FGF13: variants seen among roughly 807,000 people sequenced by gnomAD.
The protein encoded by FGF13 is fibroblast growth factor 13.
FGF13 carries 2 observed loss-of-function variants against 19.5 expected under a neutral mutation model. The ratio of observed to expected loss-of-function variants is 0.10; its 90% CI spans 0.04 to 0.32. The LOEUF is 0.32. Among genes scored for constraint, FGF13 ranks in the 10% least tolerant of loss-of-function variants. The pLI is 1.00. For missense variants in FGF13, 113 were observed against 192.7 expected (o/e 0.59, Z 2.45); for synonymous variants, 72 against 76.9 (o/e 0.94, Z 0.33).
chrX:138,778,877 C>T (rs766792048), intron 3 of FGF13, among the ~76,000 whole-genome samples: 1 of 112,582 alleles, frequency 8.9e-6, no homozygotes, highest in South Asian at 3.6e-4. Context: ...CACAGACAAA[C>T]AAAAAGACAG....
chrX:138,880,816 T>G (rs1238349931), intron 1 of FGF13, among the ~76,000 whole-genome samples: 1 of 112,282 alleles, frequency 8.9e-6, no homozygotes, highest in Non-Finnish European at 1.9e-5. Flanking sequence ...ATCATACTGT[T>G]TTGATTACTG....
rs1042713392 is a variant in FGF13, at chrX:138,617,099, T to C, written c.*15751A>G. ...CCATTGTTTTGGTGATTAATATTTGTAGTGATAGGAATATTCTATATCTTG... is the reference window on the plus strand; with the variant it reads ...CCATTGTTTTGGTGATTAATATTTGCAGTGATAGGAATATTCTATATCTTG... On this transcript the variant is annotated 3_prime_UTR_variant, in exon 5 of 5. Coordinates refer to ENST00000315930, the MANE Select transcript of FGF13 (RefSeq NM_004114.5). The C allele has an allele frequency of 1.8e-5, 2 of 111,907 alleles. No homozygotes were observed. Among genetic ancestry groups the C allele is most frequent in the Non-Finnish European group, 3.8e-5 (2 of 53,225 alleles). The allele number at this position is 111,907 out of a possible 1,213,427, so 9.2% of individuals were successfully genotyped here.
chrX:139,156,179 G>C (rs2083975445), intron 1 of FGF13, among the ~76,000 whole-genome samples: 1 of 112,364 alleles, frequency 8.9e-6, no homozygotes, highest in Non-Finnish European at 1.9e-5. Flanking sequence ...TCTCCTGTGA[G>C]AGAAAATAAA....
chrX:138,885,956 A>G (rs1294518567), intron 1 of FGF13, among the ~76,000 whole-genome samples: 1 of 111,430 alleles, frequency 9.0e-6, no homozygotes, highest in African/African-American at 3.3e-5. Context: ...CACCACTTCC[A>G]GTGCATTCGT....
chrX:138,655,074 A>G (rs752116066), intron 3 of FGF13, among the ~76,000 whole-genome samples: 38 of 111,515 alleles, frequency 3.4e-4, no homozygotes, highest in Non-Finnish European at 6.4e-4. Context: ...CTAAAAATGC[A>G]TTTCATTCTA....
intron 3 of FGF13, among the ~76,000 whole-genome samples, chrX:138,807,508 A>G (rs1291819099): frequency 8.9e-6 from 1 of 112,186 alleles, no homozygotes; most frequent in Non-Finnish European, 1.9e-5. Context: ...TGTAAAGACT[A>G]TCGATGCTAG....
intron 3 of FGF13, among the ~76,000 whole-genome samples, chrX:138,756,211 C>T (rs2090430501): frequency 8.9e-6 from 1 of 112,745 alleles, no homozygotes; most frequent in Non-Finnish European, 1.9e-5. Flanking sequence ...AGGAGTTTCT[C>T]ATCCTCCAGA....
intron 1 of FGF13, among the ~76,000 whole-genome samples, chrX:138,908,331 G>GC (rs1319405795): frequency 2.8e-5 from 3 of 107,474 alleles, no homozygotes; most frequent in East Asian, 5.9e-4. Context: ...GCCCACCTTG[G>GC]CTCCCAAAGT....
intron 1 of FGF13, among the ~76,000 whole-genome samples, chrX:139,171,677 T>C (rs774434269): frequency 8.9e-6 from 1 of 112,630 alleles, no homozygotes; most frequent in Non-Finnish European, 1.9e-5. Flanking sequence ...TTCTAAAATA[T>C]ATAAGCATTA....
intron 1 of FGF13, among the ~76,000 whole-genome samples, chrX:138,984,642 GAGA>G (rs1211189555): frequency 2.7e-5 from 2 of 74,084 alleles, no homozygotes; most frequent in African/African-American, 1.0e-4. Context: ...GGAGGAGGAG[GAGA>G]AGAAGAAGAA....
chrX:138,824,587 A>G (rs773319800), intron 3 of FGF13, among the ~76,000 whole-genome samples: 1 of 112,033 alleles, frequency 8.9e-6, no homozygotes, highest in Admixed American at 9.5e-5. Flanking sequence ...CTGAACATAT[A>G]TAATGACAGT....
Position 138,626,481 on chromosome X carries a change from A to C in FGF13, c.*6369T>G, listed in dbSNP as rs2089064675. On this transcript the variant is annotated 3_prime_UTR_variant, in exon 5 of 5. Coordinates refer to ENST00000315930, the MANE Select transcript of FGF13 (RefSeq NM_004114.5). ...CTTTGAAAATGTTTAAATTTCCCTA[A>C]TCAAAAATTTTTCCTCCATTGTATT... 1 of 112,091 alleles carries C rather than the reference A, an allele frequency of 8.9e-6. No individual in the cohort carries two copies. Among genetic ancestry groups the C allele is most frequent in the Non-Finnish European group, 1.9e-5 (1 of 53,218 alleles). 9.2% of individuals were successfully genotyped at this position (112,091 alleles called of 1,213,427 possible). A position where few individuals can be genotyped will look rare whatever the true frequency, so the allele number is the denominator to read the frequency against.
chrX:138,953,987 T>C (rs1366370068), intron 1 of FGF13, among the ~76,000 whole-genome samples: 6 of 110,948 alleles, frequency 5.4e-5, no homozygotes, highest in Non-Finnish European at 1.1e-4. Flanking sequence ...GAAGGAAATA[T>C]CTTTATCTTG....
Position 138,617,006 on chromosome X carries a change from A to T in FGF13, c.*15844T>A, listed in dbSNP as rs1263889829. The T allele has an allele frequency of 1.8e-5, 2 of 111,568 alleles. No homozygotes were observed. The highest frequency in any genetic ancestry group is 1.9e-4 in the Admixed American group (2 of 10,499). 9.2% of individuals were successfully genotyped at this position (111,568 alleles called of 1,213,427 possible). The stretch of plus-strand genomic sequence containing the variant: ...GCCCACTAAACCATTTTTTTCCTTC[A>T]AGGCCTCCTGGCCTATAATGGGAGA... On this transcript the variant is annotated 3_prime_UTR_variant, in exon 5 of 5. Coordinates refer to ENST00000315930, the MANE Select transcript of FGF13 (RefSeq NM_004114.5).
At chrX:138,780,337 A>G (rs1228763367) in intron 3 of FGF13, among the ~76,000 whole-genome samples, 2 of 98,026 alleles carry the variant, frequency 2.0e-5, no homozygotes, top group Non-Finnish European at 4.1e-5. Flanking sequence ...ATGTAAATGG[A>G]CTAAATGCTC....
chrX:138,748,183 C>T (rs1309251242), intron 3 of FGF13, among the ~76,000 whole-genome samples: 1 of 111,765 alleles, frequency 8.9e-6, no homozygotes, highest in African/African-American at 3.3e-5. Flanking sequence ...TATATTGTTT[C>T]ATATAATTGC....
At chrX:139,192,082 A>T (rs2084335155) in intron 1 of FGF13, among the ~76,000 whole-genome samples, 2 of 111,995 alleles carry the variant, frequency 1.8e-5, no homozygotes, top group Non-Finnish European at 3.8e-5. Context: ...GATAGAAAAA[A>T]GCAGCAAAAA....
chrX:138,795,787 G>C (rs1158592246), intron 3 of FGF13, among the ~76,000 whole-genome samples: 1 of 111,993 alleles, frequency 8.9e-6, no homozygotes, highest in Non-Finnish European at 1.9e-5. Context: ...GCAACAGAGA[G>C]CTAATACCTT....
In FGF13 at chrX:138,631,402, C is replaced by T. The variant is rs2089114402; in HGVS notation, c.*1448G>A. The T allele has an allele frequency of 8.9e-6, 1 of 111,773 alleles. No homozygotes were observed. 9.2% of individuals were successfully genotyped at this position (111,773 alleles called of 1,213,427 possible). A position where few individuals can be genotyped will look rare whatever the true frequency, so the allele number is the denominator to read the frequency against. ...TTTGTACCAATCTGAAGTGCAAGTA[C>T]AGTAACTAGTAAAATAAACACACTT... On this transcript the variant is annotated 3_prime_UTR_variant, in exon 5 of 5. Coordinates refer to ENST00000315930, the MANE Select transcript of FGF13 (RefSeq NM_004114.5).
Sources: gnomAD v4.1 joint callset for allele counts (sites outside exome capture counted in the v4.1 genomes callset) on GRCh38, gnomAD v4.1.1 for gene constraint, MANE v1.5 for transcripts, NCBI Gene and HGNC (gene_info 2026-07-23, HGNC 2026-07-21) for gene names.